The following TLE1 variants were observed in gnomAD, a reference collection of about 807,000 sequenced individuals.
TLE1 encodes the protein transducin-like enhancer protein 1.
In TLE1, 21 loss-of-function variants were observed where a neutral mutation model predicts 89.8. That is an observed-to-expected ratio of 0.23 (90% CI 0.17 to 0.34). TLE1 has a LOEUF of 0.34. Ranked by LOEUF, TLE1 falls within the 10% of genes least tolerant of loss-of-function variation. TLE1 has a pLI of 1.00. For missense variants in TLE1, 795 were observed against 1,031.2 expected, an observed-to-expected ratio of 0.77 and a Z score of 3.14; for synonymous variants, 447 against 407.6, an observed-to-expected ratio of 1.10 and a Z score of -1.16.
chr9:81,593,231 C>T lies in TLE1; in HGVS notation c.1375G>A (p.Val459Ile). ...ATGAGGGCGTCGGGGGGAAAAGGGACAGGCTGCATCTGACCGTCTGCAGTA... is the reference window on the plus strand; with the variant it reads ...ATGAGGGCGTCGGGGGGAAAAGGGATAGGCTGCATCTGACCGTCTGCAGTA... ...HVTADGQMQP[V>I]PFPPDALIGP... Residue 459 changes from valine (V) to isoleucine (I), a missense_variant, in exon 15 of 20, where the codon GTC becomes ATC. Val to Ile is a conservative substitution (Grantham distance 29). Coordinates refer to ENST00000376499, the MANE Select transcript of TLE1 (RefSeq NM_005077.5). 1 of 1,614,098 alleles carries T rather than the reference C, an allele frequency of 6.2e-7. No individual in the cohort carries two copies. The highest frequency in any genetic ancestry group is 8.5e-7 in the Non-Finnish European group (1 of 1,180,002).
In TLE1 at chr9:81,634,222, T is replaced by C; in HGVS notation, c.452A>G (p.Gln151Arg). ...VPLTPHPSGL[Q>R]PPGIPPLGGS... ...CCCGAGGGGCGGGATTCCAGGAGGC[T>C]GAAGTCCCGAAGGGTGAGGCGTAAG... Residue 151 changes from glutamine to arginine, a missense_variant, in exon 7 of 20, where the codon CAG becomes CGG. By Grantham distance (43) the Gln-to-Arg change is conservative. Coordinates refer to ENST00000376499, the MANE Select transcript of TLE1 (RefSeq NM_005077.5). 1 of 1,588,932 alleles carries C rather than the reference T, an allele frequency of 6.3e-7. No homozygotes were observed. The highest frequency in any genetic ancestry group is 8.6e-7 in the Non-Finnish European group (1 of 1,165,938).
intron 4 of TLE1, among the ~76,000 whole-genome samples, chr9:81,672,231 T>G (rs1832315674): frequency 6.6e-6 from 1 of 152,138 alleles, no homozygotes; most frequent in South Asian, 2.1e-4. Context: ...ACACAAGAAG[T>G]TTCTACTGCA....
At chr9:81,614,768 C>T (rs1824198581) in intron 11 of TLE1, among the ~76,000 whole-genome samples, 1 of 151,980 alleles carries the variant, frequency 6.6e-6, no homozygotes, top group Non-Finnish European at 1.5e-5. Context: ...CCTGGCTTCC[C>T]CTGGGGCCTC....
chr9:81,626,187 TCCCCGCAGGA>T, intron 8 of TLE1, among the ~76,000 whole-genome samples: 1 of 152,264 alleles, frequency 6.6e-6, no homozygotes, highest in East Asian at 1.9e-4. Flanking sequence ...AACTTTCTCC[TCCCCGCAGGA>T]AAAGTGTTTG....
chr9:81,684,954 C>CTTTT (rs918309690), intron 4 of TLE1, among the ~76,000 whole-genome samples: 1 of 152,150 alleles, frequency 6.6e-6, no homozygotes, highest in African/African-American at 2.4e-5. Flanking sequence ...GCTCAATACT[C>CTTTT]TTTTTATACA....
intron 4 of TLE1, among the ~76,000 whole-genome samples, chr9:81,679,257 C>T (rs1418594103): frequency 2.0e-5 from 3 of 152,194 alleles, no homozygotes; most frequent in Non-Finnish European, 2.9e-5. Context: ...AAAAATATTA[C>T]GGTGACTGGG....
chr9:81,585,350 G>A (rs1413958337), intron 18 of TLE1, among the ~76,000 whole-genome samples, 155 bp downstream of exon 18: 1 of 152,186 alleles, frequency 6.6e-6, no homozygotes, highest in Non-Finnish European at 1.5e-5. Flanking sequence ...AACAGACATT[G>A]CTGTGCTCTG....
At chr9:81,665,842 C>T (rs1831396351) in intron 4 of TLE1, among the ~76,000 whole-genome samples, 1 of 144,666 alleles carries the variant, frequency 6.9e-6, no homozygotes, top group South Asian at 2.2e-4. Flanking sequence ...CTTGCCAGGC[C>T]CCACTTGAGG....
At chr9:81,635,841 T>G (rs1286813474) in intron 6 of TLE1, among the ~76,000 whole-genome samples, 1 of 152,160 alleles carries the variant, frequency 6.6e-6, no homozygotes, top group East Asian at 1.9e-4. Context: ...CAATGAATTT[T>G]CAAGCACTCC....
chr9:81,592,980 C>A (rs1829753740), intron 15 of TLE1, 45 bp downstream of exon 15: 1 of 1,586,048 alleles, frequency 6.3e-7, no homozygotes, highest in East Asian at 2.3e-5. Context: ...CTTATTGAAT[C>A]TCCAGGGAGA....
At chr9:81,602,069 G>A (rs1164122593) in intron 14 of TLE1, among the ~76,000 whole-genome samples, 1 of 152,162 alleles carries the variant, frequency 6.6e-6, no homozygotes, top group Non-Finnish European at 1.5e-5. Context: ...AGATGGGAAG[G>A]CATCCATGAA....
At chr9:81,667,717 TC>T (rs10577556) in intron 4 of TLE1, among the ~76,000 whole-genome samples, 11 of 151,430 alleles carry the variant, frequency 7.3e-5, no homozygotes, top group Non-Finnish European at 1.6e-4. Context: ...GTATTCCTGC[TC>T]CCCCCCAAGC....
chr9:81,625,535 G>A (rs1230085660), intron 8 of TLE1, among the ~76,000 whole-genome samples: 1 of 151,942 alleles, frequency 6.6e-6, no homozygotes, highest in Non-Finnish European at 1.5e-5. Flanking sequence ...GGATGCGAGA[G>A]GCCAATATAT....
At chr9:81,677,536 G>C (rs1588234717) in intron 4 of TLE1, among the ~76,000 whole-genome samples, 1 of 134,776 alleles carries the variant, frequency 7.4e-6, no homozygotes, top group African/African-American at 2.7e-5. Context: ...CTGCACCCCA[G>C]CCTGGGTAAC....
intron 4 of TLE1, among the ~76,000 whole-genome samples, chr9:81,662,019 C>A (rs1382833194): frequency 6.6e-6 from 1 of 152,130 alleles, no homozygotes; most frequent in Non-Finnish European, 1.5e-5. Context: ...AGGCTTCCCA[C>A]AGCTAAGAAT....
At chr9:81,634,734 C>G (rs780459362) in intron 6 of TLE1, among the ~76,000 whole-genome samples, 3 of 152,082 alleles carry the variant, frequency 2.0e-5, no homozygotes, top group Non-Finnish European at 4.4e-5. Context: ...TTCAGACTCA[C>G]GCTGTTTTCA....
intron 4 of TLE1, among the ~76,000 whole-genome samples, chr9:81,664,025 G>T (rs375445717): frequency 2.0e-5 from 3 of 152,258 alleles, no homozygotes; most frequent in African/African-American, 4.8e-5. Context: ...CAGGCAGAAA[G>T]AATGATGCAT....
chr9:81,625,236 G>C (rs1448597339), intron 8 of TLE1, among the ~76,000 whole-genome samples: 1 of 152,164 alleles, frequency 6.6e-6, no homozygotes, highest in Non-Finnish European at 1.5e-5. Context: ...ATCTTCACTG[G>C]CAACAAGCAA....
intron 8 of TLE1, chr9:81,621,029 G>A: frequency 6.8e-6 from 2 of 293,494 alleles, no homozygotes; most frequent in East Asian, 9.7e-5. Flanking sequence ...TTCCTAAAAG[G>A]CAAATCACAT....
Sources: gnomAD v4.1 joint callset for allele counts (sites outside exome capture counted in the v4.1 genomes callset) on GRCh38, gnomAD v4.1.1 for gene constraint, MANE v1.5 for transcripts, NCBI Gene and HGNC (gene_info 2026-07-23, HGNC 2026-07-21) for gene names.